The following ABI3BP variants were observed in gnomAD, a reference collection of about 807,000 sequenced individuals.
The protein encoded by ABI3BP is target of Nesh-SH3.
In ABI3BP, 216 loss-of-function variants were observed where a neutral mutation model predicts 268.6. That is an observed-to-expected ratio of 0.80 (90% confidence interval 0.72 to 0.90). The LOEUF (loss-of-function observed/expected upper bound fraction) is 0.90, where lower values mean the gene tolerates loss of function less well. ABI3BP is among the 40% of genes least tolerant of loss of function. The pLI is 0.00. For synonymous variants in ABI3BP, 730 were observed against 730.0 expected, an observed-to-expected ratio of 1.00 and a Z score of 0.00; for missense variants, 2,090 against 2,182.4, an observed-to-expected ratio of 0.96 and a Z score of 0.84.
At chr3:100,905,487 T>C (rs2052951194) in intron 2 of ABI3BP, among the ~76,000 whole-genome samples, 1 of 151,178 alleles carries the variant, frequency 6.6e-6, no homozygotes, top group South Asian at 2.1e-4. Context: ...CAACCACTTA[T>C]GCTGAAAATG....
intron 57 of ABI3BP, among the ~76,000 whole-genome samples, chr3:100,787,012 A>AT (rs1407359024): frequency 2.0e-5 from 3 of 152,082 alleles, no homozygotes; most frequent in African/African-American, 7.2e-5. Flanking sequence ...ATAAATTTTA[A>AT]TTTTTTTACC....
chr3:100,912,099 C>T (rs926427676), intron 2 of ABI3BP: 16 of 627,668 alleles, frequency 2.5e-5, no homozygotes, highest in Admixed American at 4.3e-5. Context: ...GAACACCTTC[C>T]GTGTCCCAGA....
chr3:100,964,452 C>G (rs2153829541), intron 1 of ABI3BP, among the ~76,000 whole-genome samples: 1 of 152,302 alleles, frequency 6.6e-6, no homozygotes, highest in South Asian at 2.1e-4. Context: ...ACCTCTCTCT[C>G]TATGGAGAGC....
intron 56 of ABI3BP, among the ~76,000 whole-genome samples, chr3:100,788,642 T>C (rs1270344737): frequency 6.6e-6 from 1 of 152,080 alleles, no homozygotes; most frequent in South Asian, 2.1e-4. Flanking sequence ...CAGAGAGAAA[T>C]ACACATGGTT....
chr3:100,957,297 T>C (rs2077171585), intron 1 of ABI3BP, among the ~76,000 whole-genome samples: 1 of 152,200 alleles, frequency 6.6e-6, no homozygotes, highest in Non-Finnish European at 1.5e-5. Flanking sequence ...TCTCCAGTTT[T>C]ATTGACTCAA....
intron 3 of ABI3BP, among the ~76,000 whole-genome samples, chr3:100,902,386 C>T (rs1029999404): frequency 6.6e-6 from 1 of 152,162 alleles, no homozygotes; most frequent in African/African-American, 2.4e-5. Context: ...GGTTCAATAA[C>T]TTATGTAATT....
intron 55 of ABI3BP, among the ~76,000 whole-genome samples, chr3:100,791,174 T>C (rs1400431372): frequency 5.9e-5 from 9 of 151,906 alleles, no homozygotes; most frequent in Admixed American, 4.6e-4. Flanking sequence ...TATGAGATCA[T>C]GGATATACTC....
intron 11 of ABI3BP, chr3:100,864,333 G>A: frequency 2.1e-6 from 1 of 474,480 alleles, no homozygotes; most frequent in Non-Finnish European, 3.8e-6. Context: ...TTTCTTCAGG[G>A]GAAAGAGAAC....
intron 42 of ABI3BP, among the ~76,000 whole-genome samples, chr3:100,817,021 TAG>T (rs1242117317): frequency 3.9e-5 from 6 of 152,182 alleles, no homozygotes; most frequent in East Asian, 1.9e-4. Flanking sequence ...CTCTGGATGA[TAG>T]AGTCTCAGGC....
At chr3:100,762,735 AAG>A (rs1027768262) in intron 63 of ABI3BP, among the ~76,000 whole-genome samples, 56 of 152,334 alleles carry the variant, frequency 3.7e-4, no homozygotes, top group Admixed American at 2.4e-3. Context: ...TACCTGGTAA[AAG>A]AGATGTGAAA....
rs372688762 is a variant in ABI3BP, at chr3:100,963,539, T to C, written c.79+29767A>G. Among the ~76,000 whole-genome samples, 120 of 152,342 alleles carry C rather than the reference T, an allele frequency of 7.9e-4. 1 individual carries two copies. In the South Asian group the frequency reaches 0.024, roughly 30 times the overall value. On this transcript the variant is annotated intron_variant, in intron 1 of 67. Transcript: ENST00000471714. The stretch of plus-strand genomic sequence containing the variant: ...TACACTGGTAACCAGAGATGTCTTT[T>C]TATAATATAATTCAGAACATATAGC...
chr3:100,844,105 G>C (rs1257601276), intron 20 of ABI3BP: 1 of 983,296 alleles, frequency 1.0e-6, no homozygotes. Context: ...ATAGGTAAAG[G>C]TATAAAATGT....
rs377569813 is a variant in ABI3BP, at chr3:100,846,442, G to T, written c.1653C>A (p.Pro551=). The change falls in exon 20 of 68, where the codon CCC becomes CCA. Residue 551 remains proline (P), a synonymous_variant. Transcript: ENST00000471714. ...SPEPTWTTPA[P]GKTQFISLKP... ...TCAGAGAAATAAATTGTGTTTTACC[G>T]GGAGCTGGAAAAATAAAGAAACAAA... 2 of 1,584,416 alleles carry T rather than the reference G, an allele frequency of 1.3e-6. No homozygotes were observed. The highest frequency in any genetic ancestry group is 2.3e-5 in the East Asian group (1 of 43,990).
At chr3:100,828,594 G>GA (rs1241836619) in intron 33 of ABI3BP, 142 bp from the exon 34 acceptor site, 1 of 670,872 alleles carries the variant, frequency 1.5e-6, no homozygotes, top group Non-Finnish European at 2.5e-6. Context: ...TGAGCTGGGA[G>GA]AAAATGACAC....
intron 18 of ABI3BP, among the ~76,000 whole-genome samples, chr3:100,848,072 T>C (rs1027219865): frequency 3.3e-5 from 5 of 152,198 alleles, no homozygotes; most frequent in African/African-American, 1.2e-4. Context: ...TTTACAAAAA[T>C]ATTACAGTCT....
intron 50 of ABI3BP, among the ~76,000 whole-genome samples, chr3:100,807,222 A>G: frequency 6.6e-6 from 1 of 151,996 alleles, no homozygotes; most frequent in East Asian, 1.9e-4. Context: ...CAAATTTAAT[A>G]TACTTGGTTT....
chr3:100,805,004 A>G (rs1229110087), intron 50 of ABI3BP, 138 bp from the exon 51 acceptor site: 3 of 673,580 alleles, frequency 4.5e-6, no homozygotes, highest in Non-Finnish European at 7.9e-6. Context: ...AGGAGTTAGA[A>G]AGAAGACCTA....
Position 100,770,849 on chromosome 3 carries a change from G to C in ABI3BP, c.4635C>G (p.Thr1545=). Residue 1545 remains threonine (T), a synonymous_variant, in exon 62 of 68, where the codon ACC becomes ACG. Transcript: ENST00000471714. ...PKEEATEGNA[T]SPPQNPPTNL... ...TGGTGGGTGGGTTCTGTGGTGGGCT[G>C]GTGGCATTCCCCTCTGTGGCCTCCT... The C allele has an allele frequency of 6.2e-7, 1 of 1,605,024 alleles. No homozygotes were observed.
intron 1 of ABI3BP, among the ~76,000 whole-genome samples, chr3:100,970,440 A>G (rs1332184569): frequency 1.3e-5 from 2 of 152,256 alleles, no homozygotes; most frequent in Admixed American, 6.5e-5. Flanking sequence ...ACTCACAGGT[A>G]TCCAGTTGCA....
Sources: allele counts gnomAD v4.1 joint callset (sites outside exome capture counted in the v4.1 genomes callset), GRCh38; gene constraint gnomAD v4.1.1; transcripts MANE v1.5; gene names NCBI Gene and HGNC (gene_info 2026-07-23, HGNC 2026-07-21).